EIF2B3: variants seen among roughly 807,000 people sequenced by gnomAD.
The protein encoded by EIF2B3 is translation initiation factor eIF2B subunit gamma.
Under a neutral mutation model 54.1 loss-of-function variants are expected in EIF2B3, and 20 were observed. That is an observed-to-expected ratio of 0.37 (90% confidence interval 0.26 to 0.54). EIF2B3 has a LOEUF of 0.54. EIF2B3 is among the 20% of genes least tolerant of loss of function. EIF2B3 has a pLI of 0.86. For synonymous variants in EIF2B3, 153 were observed against 188.1 expected, an observed-to-expected ratio of 0.81 and a Z score of 1.52; for missense variants, 448 against 547.8, an observed-to-expected ratio of 0.82 and a Z score of 1.82.
At chr1:44,935,590 C>T (rs1263232641) in intron 4 of EIF2B3, among the ~76,000 whole-genome samples, 1 of 152,140 alleles carries the variant, frequency 6.6e-6, no homozygotes, top group Admixed American at 6.5e-5. Flanking sequence ...ACCTCTGCCT[C>T]CCGGGTTCAA....
At chr1:44,872,628 C>A (rs1455379029) in intron 10 of EIF2B3, among the ~76,000 whole-genome samples, 1 of 151,916 alleles carries the variant, frequency 6.6e-6, no homozygotes, top group Admixed American at 6.6e-5. Flanking sequence ...CCAGCCTGGG[C>A]AACAGAGGGA....
At chr1:44,855,929 AG>A (rs1654417741) in intron 11 of EIF2B3, among the ~76,000 whole-genome samples, 2 of 152,264 alleles carry the variant, frequency 1.3e-5, no homozygotes, top group South Asian at 4.1e-4. Context: ...ACTTTAATAA[AG>A]GTGTGGCAAA....
intron 6 of EIF2B3, among the ~76,000 whole-genome samples, chr1:44,885,908 T>TTTTTTTTTTTTTTG: frequency 6.7e-6 from 1 of 149,868 alleles, no homozygotes; most frequent in Non-Finnish European, 1.5e-5. Flanking sequence ...CTAATTTTTT[T>TTTTTTTTTTTTTTG]TTTTTTTTTT....
chr1:44,925,796 T>C (rs1026363001), intron 5 of EIF2B3, among the ~76,000 whole-genome samples: 1 of 151,988 alleles, frequency 6.6e-6, no homozygotes, highest in Non-Finnish European at 1.5e-5. Context: ...TGGTGGCACA[T>C]GCCTGTAGTC....
At chr1:44,879,765 C>T (rs1207319022) in intron 8 of EIF2B3, 53 bp downstream of exon 8, 1 of 1,576,970 alleles carries the variant, frequency 6.3e-7, no homozygotes, top group African/African-American at 1.3e-5. Context: ...AGACAAGTGG[C>T]TCAGTCTGTT....
chr1:44,967,066 G>A (rs898550569), intron 3 of EIF2B3, among the ~76,000 whole-genome samples: 1 of 151,448 alleles, frequency 6.6e-6, no homozygotes, highest in Non-Finnish European at 1.5e-5. Context: ...TGCCTGCCTC[G>A]GCCTCCCAAG....
At chr1:44,959,131 G>C in intron 3 of EIF2B3, 2 of 760,430 alleles carry the variant, frequency 2.6e-6, no homozygotes, top group Non-Finnish European at 4.6e-6. Context: ...TAACCGTGAA[G>C]GCACCCTTGA....
intron 6 of EIF2B3, among the ~76,000 whole-genome samples, chr1:44,893,128 T>C (rs1244574840): frequency 6.6e-6 from 1 of 152,208 alleles, no homozygotes; most frequent in African/African-American, 2.4e-5. Context: ...GGTGCCATCA[T>C]ATATAGCTCA....
chr1:44,934,795 C>T (rs556997281), intron 4 of EIF2B3, among the ~76,000 whole-genome samples: 81 of 152,130 alleles, frequency 5.3e-4, no homozygotes, highest in Middle Eastern at 6.8e-3. Flanking sequence ...GTGTGCCACA[C>T]GCCTGGCCCA....
intron 3 of EIF2B3, among the ~76,000 whole-genome samples, chr1:44,943,165 T>C (rs1377246317): frequency 6.6e-6 from 1 of 150,572 alleles, no homozygotes; most frequent in Non-Finnish European, 1.5e-5. Context: ...CCTTATTTTT[T>C]ATTTTAATTT....
intron 5 of EIF2B3, among the ~76,000 whole-genome samples, chr1:44,903,433 C>T (rs1006292299): frequency 1.8e-4 from 27 of 152,316 alleles, no homozygotes; most frequent in African/African-American, 6.5e-4. Flanking sequence ...CCTTCTTCCC[C>T]ATTCCCAGCA....
chr1:44,879,050 C>T (rs890828693), intron 8 of EIF2B3, among the ~76,000 whole-genome samples: 3 of 152,078 alleles, frequency 2.0e-5, no homozygotes, highest in Non-Finnish European at 4.4e-5. Context: ...CGTAAGACAC[C>T]GTGCCCGGAC....
intron 8 of EIF2B3, among the ~76,000 whole-genome samples, chr1:44,877,616 T>C (rs918502716): frequency 2.6e-5 from 4 of 152,162 alleles, no homozygotes; most frequent in Non-Finnish European, 5.9e-5. Context: ...GGACAGACCC[T>C]GAGAAGGCAT....
intron 4 of EIF2B3, 82 bp from the exon 5 acceptor site, chr1:44,926,821 C>T: frequency 1.7e-6 from 2 of 1,176,372 alleles, no homozygotes; most frequent in Non-Finnish European, 2.5e-6. Context: ...ACAGTATCTG[C>T]TCAGTGCTCT....
chr1:44,889,524 G>A (rs940297302), intron 6 of EIF2B3, among the ~76,000 whole-genome samples: 1 of 150,430 alleles, frequency 6.6e-6, no homozygotes, highest in Admixed American at 6.6e-5. Flanking sequence ...GTGACAGAGC[G>A]AGGATCCATC....
chr1:44,947,078 C>G (rs144946549), intron 3 of EIF2B3, among the ~76,000 whole-genome samples: 1 of 152,320 alleles, frequency 6.6e-6, no homozygotes, highest in Non-Finnish European at 1.5e-5. Context: ...CAGTATGCCT[C>G]TTCTGCAGAG....
At chr1:44,930,521 C>T (rs1284393824) in intron 4 of EIF2B3, among the ~76,000 whole-genome samples, 1 of 152,238 alleles carries the variant, frequency 6.6e-6, no homozygotes, top group Non-Finnish European at 1.5e-5. Flanking sequence ...GTAGCCTCTG[C>T]TGTCATGCTT....
intron 4 of EIF2B3, among the ~76,000 whole-genome samples, chr1:44,934,876 AG>A (rs1335111236): frequency 1.3e-5 from 2 of 152,178 alleles, no homozygotes; most frequent in African/African-American, 2.4e-5. Flanking sequence ...AAGCCCAAAC[AG>A]GTTTTTTTTT....
At chr1:44,851,953 CTT>C (rs10719228) in intron 11 of EIF2B3, among the ~76,000 whole-genome samples, 32 of 143,910 alleles carry the variant, frequency 2.2e-4, no homozygotes, top group East Asian at 6.1e-4. Flanking sequence ...GTTTTAATCC[CTT>C]TTTTTTTTTT....
Sources: gnomAD v4.1 joint callset for allele counts (sites outside exome capture counted in the v4.1 genomes callset) on GRCh38, gnomAD v4.1.1 for gene constraint, MANE v1.5 for transcripts, NCBI Gene and HGNC (gene_info 2026-07-23, HGNC 2026-07-21) for gene names.